Variants in JAM3 observed in about 807,000 individuals in gnomAD.
The protein encoded by JAM3 is junctional adhesion molecule C.
In JAM3, 31 loss-of-function variants were observed where a neutral mutation model predicts 39.4. The observed-to-expected ratio is 0.79, with a 90% CI of 0.59 to 1.06. The LOEUF (loss-of-function observed/expected upper bound fraction) is 1.06, where lower values mean the gene tolerates loss of function less well. Among genes scored for constraint, JAM3 ranks in the 50% least tolerant of loss-of-function variants. The probability of loss-of-function intolerance (pLI) is 0.00; values close to 1 mark genes in which losing one functional copy is unlikely to be tolerated. For missense variants in JAM3, 455 were observed against 391.4 expected, an observed-to-expected ratio of 1.16 and a Z score of -1.37; for synonymous variants, 182 against 148.7, an observed-to-expected ratio of 1.22 and a Z score of -1.63.
intron 1 of JAM3, among the ~76,000 whole-genome samples, chr11:134,119,889 C>T (rs1942502074): frequency 6.6e-6 from 1 of 152,146 alleles, no homozygotes; most frequent in Non-Finnish European, 1.5e-5. Flanking sequence ...TTGTATATAA[C>T]CATTTAGTTA....
At chr11:134,102,605 A>G (rs1023810501) in intron 1 of JAM3, among the ~76,000 whole-genome samples, 1 of 152,196 alleles carries the variant, frequency 6.6e-6, no homozygotes, top group African/African-American at 2.4e-5. Context: ...CAAAGAAGCT[A>G]AAAACCTTGA....
Position 134,151,229 on chromosome 11 carries a change from T to A in JAM3, c.*2048T>A, listed in dbSNP as rs767133767. 1.3e-5 allele frequency: 2 copies of A among 152,242 alleles called. No individual in the cohort carries two copies. Among genetic ancestry groups the A allele is most frequent in the Admixed American group, 1.3e-4 (2 of 15,290 alleles). 9.4% of individuals were successfully genotyped at this position (152,242 alleles called of 1,614,324 possible). A position where few individuals can be genotyped will look rare whatever the true frequency, so the allele number is the denominator to read the frequency against. ...CATACATGAGACTGTGTTGACTTTTTTTAGTTATGTGAAACACTTTGCCGC... is the reference window on the plus strand; with the variant it reads ...CATACATGAGACTGTGTTGACTTTTATTAGTTATGTGAAACACTTTGCCGC... On this transcript the variant is annotated 3_prime_UTR_variant, in exon 9 of 9. Transcript: ENST00000299106.
chr11:134,083,306 C>T (rs144197092), intron 1 of JAM3, among the ~76,000 whole-genome samples: 20 of 151,174 alleles, frequency 1.3e-4, no homozygotes, highest in African/African-American at 4.6e-4. Context: ...TTCCCTATTT[C>T]TCCCTCACTC....
At chr11:134,075,002 T>C in intron 1 of JAM3, among the ~76,000 whole-genome samples, 1 of 151,078 alleles carries the variant, frequency 6.6e-6, no homozygotes, top group Non-Finnish European at 1.5e-5. Context: ...TTTTTTTTTT[T>C]TTTTGGCAGG....
chr11:134,122,785 T>C (rs1942561565), intron 1 of JAM3, among the ~76,000 whole-genome samples: 1 of 152,208 alleles, frequency 6.6e-6, no homozygotes, highest in South Asian at 2.1e-4. Flanking sequence ...TTCTGAACAT[T>C]CACAGTACAA....
At chr11:134,125,735 A>C (rs1591797178) in intron 1 of JAM3, among the ~76,000 whole-genome samples, 1 of 152,322 alleles carries the variant, frequency 6.6e-6, no homozygotes, top group Admixed American at 6.5e-5. Context: ...AGCTCGTTCA[A>C]GTCCCAGCAG....
intron 6 of JAM3, 46 bp downstream of exon 6, chr11:134,146,091 A>T (rs368054070): frequency 1.9e-5 from 24 of 1,241,734 alleles, no homozygotes; most frequent in Non-Finnish European, 2.5e-5. Flanking sequence ...CTGGGAAGTG[A>T]ATAGAACATT....
chr11:134,106,776 A>G (rs895910777), intron 1 of JAM3, among the ~76,000 whole-genome samples: 11 of 152,242 alleles, frequency 7.2e-5, no homozygotes, highest in African/African-American at 2.7e-4. Context: ...TCAAAACCAC[A>G]ATGAGATACC....
At chr11:134,125,417 T>A (rs1025324931) in intron 1 of JAM3, among the ~76,000 whole-genome samples, 19 of 152,246 alleles carry the variant, frequency 1.2e-4, no homozygotes, top group Admixed American at 3.9e-4. Flanking sequence ...GTTTTCCTTT[T>A]CGTACAGATC....
intron 1 of JAM3, among the ~76,000 whole-genome samples, chr11:134,071,748 CG>C (rs1391420641): frequency 6.6e-6 from 1 of 152,046 alleles, no homozygotes; most frequent in East Asian, 1.9e-4. Context: ...ACTCCAGTAA[CG>C]TTTTTTAGAA....
chr11:134,088,116 T>G (rs1941774543), intron 1 of JAM3, among the ~76,000 whole-genome samples: 1 of 152,206 alleles, frequency 6.6e-6, no homozygotes. Context: ...TACATCACTG[T>G]TAAGTGCTGG....
intron 1 of JAM3, among the ~76,000 whole-genome samples, chr11:134,133,454 T>C (rs1432610256): frequency 6.6e-6 from 1 of 152,226 alleles, no homozygotes. Flanking sequence ...CTTTATCATC[T>C]ATAGAAAGTT....
chr11:134,140,821 C>A, intron 3 of JAM3, 51 bp downstream of exon 3: 1 of 1,574,472 alleles, frequency 6.4e-7, no homozygotes, highest in Non-Finnish European at 8.6e-7. Flanking sequence ...GTCCATAGAC[C>A]TGGGTATACA....
intron 1 of JAM3, among the ~76,000 whole-genome samples, chr11:134,107,710 A>G (rs1047292189): frequency 6.6e-6 from 1 of 152,062 alleles, no homozygotes; most frequent in African/African-American, 2.4e-5. Context: ...AAAAAATTTA[A>G]AAATGAGCCA....
chr11:134,077,648 G>A (rs1372186141), intron 1 of JAM3, among the ~76,000 whole-genome samples: 4 of 131,426 alleles, frequency 3.0e-5, no homozygotes, highest in South Asian at 2.4e-4. Flanking sequence ...CGTGGCTGGC[G>A]CCTTTTTTTT....
intron 4 of JAM3, 137 bp from the exon 5 acceptor site, chr11:134,144,655 G>A (rs1591808171): frequency 1.1e-6 from 1 of 883,452 alleles, no homozygotes; most frequent in East Asian, 2.5e-5. Flanking sequence ...TCAGTCTGCA[G>A]TTGTGATCCT....
At chr11:134,090,992 G>T (rs1322083105) in intron 1 of JAM3, among the ~76,000 whole-genome samples, 1 of 152,132 alleles carries the variant, frequency 6.6e-6, no homozygotes, top group Non-Finnish European at 1.5e-5. Context: ...TAAGTACATT[G>T]TAAACTACCT....
chr11:134,146,684 C>A (rs537303468), intron 6 of JAM3, among the ~76,000 whole-genome samples: 6 of 152,148 alleles, frequency 3.9e-5, no homozygotes, highest in Admixed American at 6.5e-5. Context: ...TCTCCCACCT[C>A]AGTCTCCTGA....
chr11:134,087,314 T>G (rs1591772914), intron 1 of JAM3, among the ~76,000 whole-genome samples: 1 of 152,114 alleles, frequency 6.6e-6, no homozygotes, highest in East Asian at 1.9e-4. Context: ...AGTATTTCTG[T>G]TTAAGAATCA....
Sources: allele counts gnomAD v4.1 joint callset (sites outside exome capture counted in the v4.1 genomes callset), GRCh38; gene constraint gnomAD v4.1.1; transcripts MANE v1.5; gene names NCBI Gene and HGNC (gene_info 2026-07-23, HGNC 2026-07-21).